The following GIN1 variants were observed in gnomAD, a reference collection of about 807,000 sequenced individuals.
The protein encoded by GIN1 is gypsy retrotransposon integrase 1.
Under a neutral mutation model 51.4 loss-of-function variants are expected in GIN1, and 41 were observed. The ratio of observed to expected loss-of-function variants is 0.80; its 90% CI spans 0.62 to 1.04. The LOEUF (loss-of-function observed/expected upper bound fraction) is 1.04. Ranked by LOEUF, GIN1 falls within the 50% of genes least tolerant of loss-of-function variation. The probability of loss-of-function intolerance (pLI) is 0.00; values close to 1 mark genes in which losing one functional copy is unlikely to be tolerated. For missense variants in GIN1, 610 were observed against 612.4 expected, an observed-to-expected ratio of 1.00 and a Z score of 0.04; for synonymous variants, 222 against 206.5, an observed-to-expected ratio of 1.07 and a Z score of -0.64.
At chr5:103,097,996 C>T (rs1182143138) in intron 4 of GIN1, among the ~76,000 whole-genome samples, 2 of 152,134 alleles carry the variant, frequency 1.3e-5, no homozygotes, top group Non-Finnish European at 2.9e-5. Context: ...AATTCTTCTG[C>T]CTCGGCTTCC....
At chr5:103,105,231 C>T (rs1472400110) in intron 3 of GIN1, among the ~76,000 whole-genome samples, 7 of 152,034 alleles carry the variant, frequency 4.6e-5, no homozygotes, top group Non-Finnish European at 7.4e-5. Context: ...TGCAGGACTT[C>T]GGTATGAGTA....
At chr5:103,110,119 T>A (rs942953842) in intron 1 of GIN1, among the ~76,000 whole-genome samples, 1 of 151,324 alleles carries the variant, frequency 6.6e-6, no homozygotes, top group African/African-American at 2.4e-5. Context: ...ATGTGAAAGA[T>A]AAATAACAAT....
At chr5:103,116,283 C>G (rs782165185) in intron 1 of GIN1, among the ~76,000 whole-genome samples, 1 of 152,104 alleles carries the variant, frequency 6.6e-6, no homozygotes, top group African/African-American at 2.4e-5. Context: ...GGCAAAATGA[C>G]AGCCTTAAAT....
At chr5:103,088,289 T>C (rs1373578006) in intron 7 of GIN1, 117 bp from the exon 8 acceptor site, 3 of 589,738 alleles carry the variant, frequency 5.1e-6, no homozygotes, top group Non-Finnish European at 8.6e-6. Context: ...CTATCAAGAT[T>C]AACTTCTAGG....
At position 103,106,816 on chromosome 5, in the gene GIN1, T is replaced by C. The variant is rs370593318; in HGVS notation, c.233A>G (p.His78Arg). ...EEKKKVLRECHENDSGAHHGI... is the reference protein window; with the variant it reads ...EEKKKVLRECRENDSGAHHGI... Reference sequence around the variant, plus strand: ...ATGATGAGCTCCACTGTCATTTTCATGGCATTCTCTTAAGACTTTCTTTTT... The same window carrying C: ...ATGATGAGCTCCACTGTCATTTTCACGGCATTCTCTTAAGACTTTCTTTTT... Residue 78 changes from histidine to arginine, a missense_variant, in exon 3 of 8, where the codon CAT (histidine) becomes CGT (arginine). Coordinates refer to ENST00000399004, the MANE Select transcript of GIN1 (RefSeq NM_017676.2). 5.6e-6 allele frequency: 9 copies of C among 1,603,694 alleles called. No individual in the cohort carries two copies. The highest frequency in any genetic ancestry group is 7.7e-6 in the Non-Finnish European group (9 of 1,172,802).
chr5:103,087,302 T>C lies in GIN1; in HGVS notation c.*596A>G, dbSNP rs1030779502. 2 of 152,292 alleles carry C rather than the reference T, an allele frequency of 1.3e-5. No individual in the cohort carries two copies. Among genetic ancestry groups the C allele is most frequent in the South Asian group, 2.1e-4 (1 of 4,830 alleles). The allele number at this position is 152,292 out of a possible 1,614,324, so 9.4% of individuals were successfully genotyped here. A position where few individuals can be genotyped will look rare whatever the true frequency, so the allele number is the denominator to read the frequency against. Reference sequence around the variant, plus strand: ...ATGGTTTTATCTTTAATATATAGTATGAAAATAAACAAATTGTTTCCCAAC... The same window carrying C: ...ATGGTTTTATCTTTAATATATAGTACGAAAATAAACAAATTGTTTCCCAAC... On this transcript the variant is annotated 3_prime_UTR_variant, in exon 8 of 8. Coordinates refer to ENST00000399004, the MANE Select transcript of GIN1 (RefSeq NM_017676.2).
chr5:103,117,876 TCTTA>T (rs1244510583), intron 1 of GIN1, among the ~76,000 whole-genome samples: 2 of 152,156 alleles, frequency 1.3e-5, no homozygotes, highest in Admixed American at 6.5e-5. Context: ...ACTTGGTGTC[TCTTA>T]CTTCAAATTT....
chr5:103,111,814 T>C (rs1554196942), intron 1 of GIN1, among the ~76,000 whole-genome samples: 1 of 152,060 alleles, frequency 6.6e-6, no homozygotes, highest in East Asian at 1.9e-4. Flanking sequence ...CTTGTCTTCC[T>C]CCCCCTACCC....
intron 1 of GIN1, among the ~76,000 whole-genome samples, chr5:103,118,568 A>G (rs1401493951): frequency 3.9e-5 from 6 of 152,206 alleles, no homozygotes; most frequent in Middle Eastern, 3.2e-3. Flanking sequence ...TTATAACGAT[A>G]TAACAGTCTA....
rs1246273732 is a variant in GIN1, at chr5:103,092,658, T to C, written c.1294+3883A>G. On this transcript the variant is annotated intron_variant, in intron 7 of 7. Coordinates refer to ENST00000399004, the MANE Select transcript of GIN1 (RefSeq NM_017676.2). ...TGAGTAACTATTGGTTAAGAAATTATATAACTGGACGGGCACAATGGCTCA... is the reference window on the plus strand; with the variant it reads ...TGAGTAACTATTGGTTAAGAAATTACATAACTGGACGGGCACAATGGCTCA... Among the ~76,000 whole-genome samples the C allele has an allele frequency of 4.7e-5, 7 of 150,234 alleles. No homozygotes were observed. In the East Asian group the frequency reaches 1.4e-3, roughly 30 times the overall value.
Position 103,104,825 on chromosome 5 carries a change from G to A in GIN1, c.355C>T (p.Gln119Ter), listed in dbSNP as rs1554196124. Residue 119 changes from glutamine (Q) to a stop codon, truncating the protein, a stop_gained, in exon 4 of 8, where the codon CAA becomes TAA. Coordinates refer to ENST00000399004, the MANE Select transcript of GIN1 (RefSeq NM_017676.2). LOFTEE classifies it high-confidence loss of function. ...ACAATAACTGTATTTTTTGCCACTT[G>A]GCAATGCTGACAAGCATATACCTAC... ...KQWVYACQHC[Q>*]VAKNTVIVAP... 6 of 1,604,706 alleles carry A rather than the reference G, an allele frequency of 3.7e-6. No homozygotes were observed. Among genetic ancestry groups the A allele is most frequent in the Non-Finnish European group, 4.3e-6 (5 of 1,173,980 alleles).
intron 4 of GIN1, among the ~76,000 whole-genome samples, chr5:103,100,713 T>G (rs371301682): frequency 5.9e-5 from 9 of 151,900 alleles, no homozygotes; most frequent in African/African-American, 2.2e-4. Flanking sequence ...TTTAGAAAAA[T>G]TTTCAAAGTC....
At chr5:103,114,033 C>T (rs1787958395) in intron 1 of GIN1, among the ~76,000 whole-genome samples, 4 of 152,204 alleles carry the variant, frequency 2.6e-5, no homozygotes, top group Admixed American at 2.6e-4. Flanking sequence ...CTTCAACCAT[C>T]CCATGCAGTG....
At chr5:103,110,907 C>G (rs1394831375) in intron 1 of GIN1, among the ~76,000 whole-genome samples, 1 of 152,134 alleles carries the variant, frequency 6.6e-6, no homozygotes, top group Non-Finnish European at 1.5e-5. Context: ...CATGTCGCTC[C>G]AGGTCAGTGC....
chr5:103,119,133 A>C (rs1303168603), intron 1 of GIN1, among the ~76,000 whole-genome samples: 1 of 152,220 alleles, frequency 6.6e-6, no homozygotes. Context: ...TTTGTGTTCA[A>C]TAAAGTAAGG....
intron 4 of GIN1, among the ~76,000 whole-genome samples, chr5:103,099,328 A>G (rs1281037560): frequency 7.9e-5 from 12 of 152,158 alleles, no homozygotes; most frequent in African/African-American, 2.9e-4. Flanking sequence ...TTGTGAATAC[A>G]ATAGGAGTGA....
intron 3 of GIN1, among the ~76,000 whole-genome samples, chr5:103,105,127 C>A (rs1787688427): frequency 6.6e-6 from 1 of 150,910 alleles, no homozygotes; most frequent in Non-Finnish European, 1.5e-5. Flanking sequence ...TTTAACTAAA[C>A]ACAAATAAAA....
At chr5:103,106,406 AT>A (rs782466516) in intron 3 of GIN1, among the ~76,000 whole-genome samples, 3 of 152,114 alleles carry the variant, frequency 2.0e-5, no homozygotes, top group African/African-American at 4.8e-5. Flanking sequence ...AGAAGTAATG[AT>A]TTAGTCAAAT....
chr5:103,116,184 C>T (rs1562338092), intron 1 of GIN1, among the ~76,000 whole-genome samples: 1 of 152,074 alleles, frequency 6.6e-6, no homozygotes, highest in African/African-American at 2.4e-5. Context: ...ATTACAACAA[C>T]TTTGAGAAAT....
Sources: allele counts gnomAD v4.1 joint callset (sites outside exome capture counted in the v4.1 genomes callset), GRCh38; gene constraint gnomAD v4.1.1; transcripts MANE v1.5; gene names NCBI Gene and HGNC (gene_info 2026-07-23, HGNC 2026-07-21).